Variants in ELOVL5 observed in about 807,000 individuals in gnomAD.
ELOVL5 encodes the protein ELOVL fatty acid elongase 5, also known as very long chain fatty acid elongase 5.
In ELOVL5, 8 loss-of-function variants were observed where a neutral mutation model predicts 38.6. The observed-to-expected ratio is 0.21, with a 90% CI of 0.12 to 0.37. ELOVL5 has a LOEUF of 0.37. ELOVL5 is among the 10% of genes least tolerant of loss of function. The probability of loss-of-function intolerance (pLI) is 1.00; values close to 1 mark genes in which losing one functional copy is unlikely to be tolerated. For synonymous variants in ELOVL5, 127 were observed against 133.7 expected, an observed-to-expected ratio of 0.95 and a Z score of 0.34; for missense variants, 280 against 367.8, an observed-to-expected ratio of 0.76 and a Z score of 1.95.
intron 1 of ELOVL5, 147 bp from the exon 2 acceptor site, chr6:53,295,854 A>C: frequency 1.9e-6 from 1 of 525,580 alleles, no homozygotes; most frequent in Non-Finnish European, 3.2e-6. Context: ...TTTAATTCAC[A>C]GAAGTGACTT....
intron 1 of ELOVL5, among the ~76,000 whole-genome samples, chr6:53,328,383 G>A (rs1452666604): frequency 6.6e-6 from 1 of 152,088 alleles, no homozygotes. Flanking sequence ...AGGTATCAAA[G>A]AATCTGAGGT....
chr6:53,319,586 A>G (rs1008911267), intron 1 of ELOVL5, among the ~76,000 whole-genome samples: 3 of 152,208 alleles, frequency 2.0e-5, no homozygotes, highest in Non-Finnish European at 2.9e-5. Flanking sequence ...TAAAAAATGT[A>G]TATGGATGTT....
chr6:53,290,214 A>G (rs1437096701), intron 3 of ELOVL5: 1 of 152,232 alleles, frequency 6.6e-6, no homozygotes, highest in Non-Finnish European at 1.5e-5. Context: ...ATAAATAATG[A>G]AATTATAGCT....
At chr6:53,269,575 G>A (rs997926149) in intron 7 of ELOVL5, among the ~76,000 whole-genome samples, 4 of 152,132 alleles carry the variant, frequency 2.6e-5, no homozygotes, top group African/African-American at 9.7e-5. Context: ...TATCTGGATG[G>A]CAGATGACAG....
intron 3 of ELOVL5, among the ~76,000 whole-genome samples, chr6:53,281,235 A>T (rs1186139360): frequency 6.6e-6 from 1 of 152,208 alleles, no homozygotes; most frequent in East Asian, 1.9e-4. Context: ...GTAATGAAAA[A>T]TAGACTATCC....
At chr6:53,330,958 T>C (rs1208460540) in intron 1 of ELOVL5, among the ~76,000 whole-genome samples, 1 of 152,242 alleles carries the variant, frequency 6.6e-6, no homozygotes, top group East Asian at 1.9e-4. Context: ...GATAACAATG[T>C]TTTCTTCAGG....
intron 1 of ELOVL5, 23 bp from the exon 2 acceptor site, chr6:53,295,730 T>C (rs1172988844): frequency 1.4e-6 from 2 of 1,410,966 alleles, no homozygotes; most frequent in South Asian, 1.3e-5. Context: ...AAAAAGATAC[T>C]GATTAATCTC....
At chr6:53,291,463 A>C (rs1384461485) in intron 3 of ELOVL5, among the ~76,000 whole-genome samples, 1 of 152,132 alleles carries the variant, frequency 6.6e-6, no homozygotes, top group African/African-American at 2.4e-5. Flanking sequence ...CATTTTGTTC[A>C]TTTTCCACTC....
At chr6:53,283,735 T>C (rs1430071601) in intron 3 of ELOVL5, among the ~76,000 whole-genome samples, 1 of 152,166 alleles carries the variant, frequency 6.6e-6, no homozygotes, top group African/African-American at 2.4e-5. Flanking sequence ...AAGATTACCC[T>C]ACAAATGAGC....
chr6:53,347,053 G>C (rs1769577933), intron 1 of ELOVL5, among the ~76,000 whole-genome samples: 1 of 152,110 alleles, frequency 6.6e-6, no homozygotes, highest in East Asian at 1.9e-4. Flanking sequence ...AAGGAGGTGA[G>C]GTCAATATCT....
intron 4 of ELOVL5, 59 bp from the exon 5 acceptor site, chr6:53,275,320 C>A: frequency 6.4e-7 from 1 of 1,551,682 alleles, no homozygotes; most frequent in Non-Finnish European, 8.9e-7. Flanking sequence ...GGAATATCAC[C>A]TCTGACATGT....
chr6:53,267,957 G>A lies in ELOVL5; in HGVS notation c.*1170C>T, dbSNP rs1765796765. The A allele has an allele frequency of 6.6e-6, 1 of 152,176 alleles. No homozygotes were observed. The highest frequency in any genetic ancestry group is 2.1e-4 in the South Asian group (1 of 4,824). 9.4% of individuals were successfully genotyped at this position (152,176 alleles called of 1,614,324 possible). On this transcript the variant is annotated 3_prime_UTR_variant, in exon 8 of 8. Coordinates refer to ENST00000304434, the MANE Select transcript of ELOVL5 (RefSeq NM_021814.5). ...ACAAGAGGTTCTAAACACATCTTTA[G>A]ATTCTAAGCAGAAAGAAATTACAAG...
At chr6:53,322,904 G>A (rs1191960630) in intron 1 of ELOVL5, among the ~76,000 whole-genome samples, 1 of 152,164 alleles carries the variant, frequency 6.6e-6, no homozygotes, top group Non-Finnish European at 1.5e-5. Flanking sequence ...TTCCTTTATT[G>A]AGTCCCTTGC....
intron 1 of ELOVL5, among the ~76,000 whole-genome samples, chr6:53,305,543 C>T (rs1445535378): frequency 2.0e-5 from 3 of 149,424 alleles, no homozygotes; most frequent in East Asian, 2.0e-4. Flanking sequence ...CGGGCAGAGA[C>T]GCTCCTCACC....
intron 1 of ELOVL5, among the ~76,000 whole-genome samples, chr6:53,317,203 G>A (rs1768082846): frequency 6.6e-6 from 1 of 152,160 alleles, no homozygotes; most frequent in African/African-American, 2.4e-5. Flanking sequence ...TCACTAAATG[G>A]TCTGCTAATG....
intron 2 of ELOVL5, chr6:53,294,226 G>A (rs1412824217): frequency 6.7e-7 from 1 of 1,499,378 alleles, no homozygotes; most frequent in East Asian, 2.5e-5. Context: ...GCCCCAGGTA[G>A]AGAATCCTTA....
chr6:53,275,135 G>C lies in ELOVL5; in HGVS notation c.451C>G (p.Leu151Val), dbSNP rs1766063628. ...TTCATCACAAACCACCAGATGTTCAGCATCGAGGCATGGTGGTAGACGTGC... is the reference window on the plus strand; with the variant it reads ...TTCATCACAAACCACCAGATGTTCACCATCGAGGCATGGTGGTAGACGTGC... Reference protein sequence around the residue: ...VLHVYHHASMLNIWWFVMNWV... With the variant: ...VLHVYHHASMVNIWWFVMNWV... The change falls in exon 5 of 8, where the codon CTG becomes GTG. Residue 151 changes from leucine to valine, a missense_variant. Leu to Val is a conservative substitution (Grantham distance 32). Coordinates refer to ENST00000304434, the MANE Select transcript of ELOVL5 (RefSeq NM_021814.5). 3.1e-6 allele frequency: 5 copies of C among 1,614,144 alleles called. No individual in the cohort carries two copies. The highest frequency in any genetic ancestry group is 4.2e-6 in the Non-Finnish European group (5 of 1,180,024).
intron 1 of ELOVL5, among the ~76,000 whole-genome samples, chr6:53,347,016 C>A (rs943562809): frequency 6.6e-6 from 1 of 152,124 alleles, no homozygotes; most frequent in Admixed American, 6.5e-5. Flanking sequence ...ACATAAAATC[C>A]CCATGTATAG....
intron 5 of ELOVL5, 33 bp downstream of exon 5, chr6:53,275,057 C>G: frequency 1.2e-6 from 2 of 1,607,812 alleles, no homozygotes; most frequent in South Asian, 1.1e-5. Flanking sequence ...CCTGCTCACA[C>G]CTGTTCCCCA....
Sources: gnomAD v4.1 joint callset for allele counts (sites outside exome capture counted in the v4.1 genomes callset) on GRCh38, gnomAD v4.1.1 for gene constraint, MANE v1.5 for transcripts, NCBI Gene and HGNC (gene_info 2026-07-23, HGNC 2026-07-21) for gene names.